The following SH3BP5 variants were observed in gnomAD, a reference collection of about 807,000 sequenced individuals.
The protein encoded by SH3BP5 is SH3 domain binding protein 5.
SH3BP5 carries 22 observed loss-of-function variants against 43.3 expected under a neutral mutation model. The ratio of observed to expected loss-of-function variants is 0.51; its 90% confidence interval spans 0.36 to 0.73. The LOEUF (loss-of-function observed/expected upper bound fraction) is 0.73. SH3BP5 is among the 30% of genes least tolerant of loss of function. The pLI is 0.00. For synonymous variants in SH3BP5, 255 were observed against 225.8 expected (o/e 1.13, Z -1.16); for missense variants, 529 against 586.9 (o/e 0.90, Z 1.02).
chr3:15,261,589 A>T (rs1230466604), intron 5 of SH3BP5, among the ~76,000 whole-genome samples: 11 of 151,980 alleles, frequency 7.2e-5, no homozygotes, highest in Non-Finnish European at 1.6e-4. Context: ...AGGCCTAGCA[A>T]TTGGGAATGA....
intron 2 of SH3BP5, among the ~76,000 whole-genome samples, chr3:15,320,641 C>CACACACA (rs56319701): frequency 1.6e-5 from 2 of 128,702 alleles, no homozygotes; most frequent in Non-Finnish European, 3.2e-5. Flanking sequence ...CACACACACA[C>CACACACA]CCCACTACGT....
At chr3:15,286,686 T>C (rs1041798933) in intron 3 of SH3BP5, among the ~76,000 whole-genome samples, 14 of 152,178 alleles carry the variant, frequency 9.2e-5, no homozygotes, top group African/African-American at 2.7e-4. Context: ...CCTAGGTAGC[T>C]GGGACTACAG....
At position 15,259,125 on chromosome 3, in the gene SH3BP5, G is replaced by A. The variant is rs111624351; in HGVS notation, c.670-75C>T. On this transcript the variant is annotated intron_variant, in intron 6 of 8. Coordinates refer to ENST00000383791, the MANE Select transcript of SH3BP5 (RefSeq NM_004844.5). ...GATGCTTTCTGAATGACAGGTTCAA[G>A]TACATTTTCTGCCCATCATTCTACT... The A allele has an allele frequency of 8.3e-6, 10 of 1,198,522 alleles. No individual in the cohort carries two copies. In the African/African-American group the frequency reaches 1.5e-4, roughly 18 times the overall value. 74.2% of individuals were successfully genotyped at this position (1,198,522 alleles called of 1,614,324 possible). A position where few individuals can be genotyped will look rare whatever the true frequency, so the allele number is the denominator to read the frequency against.
intron 1 of SH3BP5, 22 bp from the exon 2 acceptor site, chr3:15,330,588 A>G: frequency 6.4e-7 from 1 of 1,574,480 alleles, no homozygotes; most frequent in Non-Finnish European, 8.6e-7. Context: ...AAGAGGGAGA[A>G]AAAAAGACTT....
In SH3BP5 at chr3:15,276,614, G is replaced by A. The variant is rs114313566; in HGVS notation, c.331-6737C>T. The stretch of plus-strand genomic sequence containing the variant: ...CGGCTCCCGTCCTGAAGCCTTACGC[G>A]GGTCCAGCTGACAGGCCCGTGGTTA... On this transcript the variant is annotated intron_variant, in intron 3 of 8. Transcript: ENST00000383791. Among the ~76,000 whole-genome samples, 664 of 152,162 alleles carry A rather than the reference G, an allele frequency of 4.4e-3. 1 individual carries two copies. Among genetic ancestry groups the A allele is most frequent in the Non-Finnish European group, 6.1e-3 (416 of 67,998 alleles).
chr3:15,323,318 A>T (rs1008554916), intron 2 of SH3BP5, among the ~76,000 whole-genome samples: 11 of 152,092 alleles, frequency 7.2e-5, no homozygotes, highest in Non-Finnish European at 1.0e-4. Context: ...CCAATCTGAC[A>T]AAGAAAGGTC....
chr3:15,306,032 A>G (rs1382931850), intron 2 of SH3BP5, among the ~76,000 whole-genome samples: 1 of 149,814 alleles, frequency 6.7e-6, no homozygotes, highest in Non-Finnish European at 1.5e-5. Flanking sequence ...ACCTAGGGGA[A>G]GGAAGGACAC....
intron 2 of SH3BP5, among the ~76,000 whole-genome samples, chr3:15,310,881 A>G (rs988364547): frequency 2.6e-5 from 4 of 152,138 alleles, no homozygotes; most frequent in African/African-American, 7.2e-5. Flanking sequence ...CTTGTGTCAG[A>G]TAAGAGCTCA....
chr3:15,256,773 G>A (rs1447654820), intron 8 of SH3BP5, 80 bp downstream of exon 8: 1 of 1,465,748 alleles, frequency 6.8e-7, no homozygotes, highest in East Asian at 2.3e-5. Context: ...CTGAGACCTG[G>A]CAGAGGTATG....
chr3:15,290,457 T>C (rs971389268), intron 3 of SH3BP5, among the ~76,000 whole-genome samples: 3 of 138,550 alleles, frequency 2.2e-5, no homozygotes, highest in African/African-American at 8.4e-5. Flanking sequence ...ACCTGGGAGA[T>C]GGAGGTTGCA....
intron 5 of SH3BP5, 74 bp downstream of exon 5, chr3:15,262,085 T>TA: frequency 6.4e-7 from 1 of 1,571,742 alleles, no homozygotes; most frequent in Non-Finnish European, 8.7e-7. Context: ...CTTGAGTGTG[T>TA]GACATACAAA....
chr3:15,286,437 A>T (rs1395844585), intron 3 of SH3BP5, among the ~76,000 whole-genome samples: 1 of 152,230 alleles, frequency 6.6e-6, no homozygotes. Flanking sequence ...CAGCCAATGG[A>T]ACTGAGAATG....
chr3:15,306,996 A>G (rs1697928505), intron 2 of SH3BP5, among the ~76,000 whole-genome samples: 1 of 152,096 alleles, frequency 6.6e-6, no homozygotes, highest in African/African-American at 2.4e-5. Flanking sequence ...TAAACATGCA[A>G]TTGCAGGGGT....
chr3:15,265,781 CCATACTCCGGAGCAG>C (rs1385004233), intron 4 of SH3BP5, among the ~76,000 whole-genome samples: 1 of 151,874 alleles, frequency 6.6e-6, no homozygotes, highest in African/African-American at 2.4e-5. Context: ...AAACTGCACC[CCATACTCCGGAGCAG>C]CATACTCCGG....
intron 2 of SH3BP5, among the ~76,000 whole-genome samples, chr3:15,330,061 T>C (rs185729818): frequency 3.9e-5 from 6 of 152,326 alleles, no homozygotes; most frequent in African/African-American, 1.4e-4. Context: ...GGGTGAGTTA[T>C]TAGGACAGGA....
intron 3 of SH3BP5, among the ~76,000 whole-genome samples, chr3:15,278,343 G>C (rs894037820): frequency 6.6e-6 from 1 of 152,198 alleles, no homozygotes; most frequent in African/African-American, 2.4e-5. Flanking sequence ...GGATGGGCAG[G>C]ACAAACATCA....
At chr3:15,336,171 A>G (rs776787172), upstream of SH3BP5, among the ~76,000 whole-genome samples, 1 of 152,194 alleles carries the variant, frequency 6.6e-6, no homozygotes, top group Non-Finnish European at 1.5e-5. Context: ...AGCGTACCAC[A>G]TATACTTTTG....
At chr3:15,321,144 C>T (rs1007652679) in intron 2 of SH3BP5, among the ~76,000 whole-genome samples, 7 of 152,154 alleles carry the variant, frequency 4.6e-5, no homozygotes, top group East Asian at 1.9e-4. Flanking sequence ...AGAACCTATA[C>T]GTGCCCACAT....
At position 15,305,245 on chromosome 3, in the gene SH3BP5, G is replaced by A. The variant is rs149108478; in HGVS notation, c.202-1014C>T. 3.6e-3 allele frequency among the ~76,000 whole-genome samples: 542 copies of A among 152,314 alleles called. 2 individuals are homozygous for A. Among genetic ancestry groups the A allele is most frequent in the Middle Eastern group, 0.01 (3 of 294 alleles). ...GACCTCTGGACAGCATGTTGTCAAA[G>A]CTCAGGACTTTAATCAGAGACATAG... On this transcript the variant is annotated intron_variant, in intron 2 of 8. Transcript: ENST00000383791.
Sources: gnomAD v4.1 joint callset for allele counts (sites outside exome capture counted in the v4.1 genomes callset) on GRCh38, gnomAD v4.1.1 for gene constraint, MANE v1.5 for transcripts, NCBI Gene and HGNC (gene_info 2026-07-23, HGNC 2026-07-21) for gene names.